The following OPCML variants were observed in gnomAD, a reference collection of about 807,000 sequenced individuals.
The protein encoded by OPCML is opioid binding protein/cell adhesion molecule like.
In OPCML, 13 loss-of-function variants were observed where a neutral mutation model predicts 37.8. The observed-to-expected ratio is 0.34, with a 90% CI of 0.22 to 0.55. The LOEUF (loss-of-function observed/expected upper bound fraction) is 0.55. OPCML is among the 20% of genes least tolerant of loss of function. The pLI is 0.91. For synonymous variants in OPCML, 176 were observed against 168.8 expected, an observed-to-expected ratio of 1.04 and a Z score of -0.33; for missense variants, 341 against 435.6, an observed-to-expected ratio of 0.78 and a Z score of 1.93.
At chr11:133,465,776 G>A (rs866063243) in intron 1 of OPCML, among the ~76,000 whole-genome samples, 6 of 152,048 alleles carry the variant, frequency 3.9e-5, no homozygotes, top group African/African-American at 1.4e-4. Flanking sequence ...AATGGGGATC[G>A]TCCACCGTAA....
chr11:132,963,734 T>C lies in OPCML; in HGVS notation c.62-20724A>G, dbSNP rs1028207727. Among the ~76,000 whole-genome samples the C allele has an allele frequency of 2.0e-5, 3 of 150,052 alleles. No homozygotes were observed. In the Admixed American group the frequency reaches 2.1e-4, roughly 10 times the overall value. On this transcript the variant is annotated intron_variant, in intron 1 of 7. Transcript: ENST00000524381. ...GGTTGTCAGCAAATATTAGCTCTTC[T>C]TCCTATCCGTATTACGATATTATTA...
At chr11:132,799,170 C>T (rs1438053144) in intron 2 of OPCML, among the ~76,000 whole-genome samples, 2 of 152,158 alleles carry the variant, frequency 1.3e-5, no homozygotes, top group Admixed American at 1.3e-4. Context: ...CTATGAAAGT[C>T]CTACATGGCA....
chr11:132,957,825 G>A (rs58274420), intron 1 of OPCML, among the ~76,000 whole-genome samples: 22,691 of 152,134 alleles, frequency 0.15, 2,155 homozygotes, highest in African/African-American at 0.27. Flanking sequence ...AAACTTAATC[G>A]ATAAATGTGT....
chr11:133,451,941 T>G (rs1361203377), intron 1 of OPCML, among the ~76,000 whole-genome samples: 2 of 151,282 alleles, frequency 1.3e-5, no homozygotes, highest in African/African-American at 4.9e-5. Context: ...GACTCCACAA[T>G]GATTCCTACT....
At chr11:133,382,368 G>T (rs2136784000) in intron 1 of OPCML, among the ~76,000 whole-genome samples, 1 of 152,332 alleles carries the variant, frequency 6.6e-6, no homozygotes, top group East Asian at 1.9e-4. Context: ...CAGTAAGCAT[G>T]TTTGACCTCA....
intron 1 of OPCML, among the ~76,000 whole-genome samples, chr11:133,416,372 C>T (rs1945765765): frequency 6.6e-6 from 1 of 152,188 alleles, no homozygotes; most frequent in Non-Finnish European, 1.5e-5. Context: ...TCCCTTTTCT[C>T]AGTTATCCAG....
intron 2 of OPCML, among the ~76,000 whole-genome samples, chr11:132,879,207 A>G (rs76468203): frequency 0.019 from 2,886 of 152,312 alleles, 89 homozygotes; most frequent in African/African-American, 0.066. Context: ...AGCGTCTACT[A>G]TATGGCAGCC....
intron 3 of OPCML, among the ~76,000 whole-genome samples, chr11:132,618,799 A>G (rs929819621): frequency 6.6e-6 from 1 of 152,008 alleles, no homozygotes; most frequent in Non-Finnish European, 1.5e-5. Flanking sequence ...CATCATTCCA[A>G]CCTCATTTAA....
intron 1 of OPCML, among the ~76,000 whole-genome samples, chr11:133,164,212 G>GT (rs1469915496): frequency 6.6e-6 from 1 of 152,198 alleles, no homozygotes; most frequent in Admixed American, 6.5e-5. Context: ...GCCTCAGATG[G>GT]TAAGTGGCAG....
At chr11:133,017,904 G>A (rs1185872184) in intron 1 of OPCML, among the ~76,000 whole-genome samples, 1 of 152,180 alleles carries the variant, frequency 6.6e-6, no homozygotes, top group East Asian at 1.9e-4. Context: ...TACAACTGGT[G>A]CAAAGAAAGA....
chr11:132,892,932 C>T (rs1269686037), intron 2 of OPCML, among the ~76,000 whole-genome samples: 3 of 151,964 alleles, frequency 2.0e-5, no homozygotes, highest in Admixed American at 6.6e-5. Flanking sequence ...AAAACAAAGG[C>T]CCTTCCTATA....
At chr11:133,179,949 A>G (rs1412727837) in intron 1 of OPCML, among the ~76,000 whole-genome samples, 1 of 152,180 alleles carries the variant, frequency 6.6e-6, no homozygotes. Flanking sequence ...AGCTGGGCGC[A>G]GGTGATGGAA....
chr11:133,397,021 C>T (rs187834823), intron 1 of OPCML, among the ~76,000 whole-genome samples: 18 of 152,342 alleles, frequency 1.2e-4, no homozygotes, highest in South Asian at 8.3e-4. Context: ...TCCTCAACAA[C>T]GTGCACATAG....
chr11:132,951,260 G>T (rs533379674), intron 1 of OPCML, among the ~76,000 whole-genome samples: 116 of 152,288 alleles, frequency 7.6e-4, no homozygotes, highest in Non-Finnish European at 1.5e-3. Context: ...AGACTAGGTG[G>T]CCTCACAGGA....
intron 1 of OPCML, among the ~76,000 whole-genome samples, chr11:133,315,428 A>C (rs777014295): frequency 3.9e-5 from 6 of 152,196 alleles, no homozygotes; most frequent in Non-Finnish European, 8.8e-5. Flanking sequence ...CTAGCACTAA[A>C]CTAGAAAATC....
intron 4 of OPCML, among the ~76,000 whole-genome samples, chr11:132,484,829 A>G (rs1314903222): frequency 1.3e-5 from 2 of 152,276 alleles, no homozygotes; most frequent in African/African-American, 4.8e-5. Flanking sequence ...CAAAAAACCA[A>G]ACGCTGCATA....
At chr11:132,446,844 A>T (rs1051504269) in intron 4 of OPCML, among the ~76,000 whole-genome samples, 1 of 152,188 alleles carries the variant, frequency 6.6e-6, no homozygotes, top group Non-Finnish European at 1.5e-5. Context: ...TACAATGTCT[A>T]AAGAAAGTTG....
At chr11:133,133,996 A>G (rs76049695) in intron 1 of OPCML, among the ~76,000 whole-genome samples, 2,434 of 152,256 alleles carry the variant, frequency 0.016, 70 homozygotes, top group African/African-American at 0.056. Flanking sequence ...GCATACACAG[A>G]ATATGAGATC....
chr11:133,060,753 G>A lies in OPCML; in HGVS notation c.62-117743C>T, dbSNP rs546776057. ...ACTTAGAAGTCAAGCCCACCTGGAG[G>A]GCTGGGAACGCTGCACACAGCAGCC... On this transcript the variant is annotated intron_variant, in intron 1 of 7. Coordinates refer to ENST00000524381, the MANE Select transcript of OPCML (RefSeq NM_001012393.5). 2.1e-4 allele frequency among the ~76,000 whole-genome samples: 32 copies of A among 152,370 alleles called. No individual in the cohort carries two copies. The South Asian group carries it at 6.6e-3, about 32-fold the overall frequency.
Sources: gnomAD v4.1 joint callset for allele counts (sites outside exome capture counted in the v4.1 genomes callset) on GRCh38, gnomAD v4.1.1 for gene constraint, MANE v1.5 for transcripts, NCBI Gene and HGNC (gene_info 2026-07-23, HGNC 2026-07-21) for gene names.